The following THSD7B variants were observed in gnomAD, a reference collection of about 807,000 sequenced individuals.
THSD7B encodes thrombospondin type-1 domain-containing protein 7B.
A neutral mutation model predicts 213.6 loss-of-function variants in THSD7B; 138 were observed. That is an observed-to-expected ratio of 0.65 (90% CI 0.56 to 0.74). The LOEUF is 0.74. THSD7B is among the 30% of genes least tolerant of loss of function. The pLI is 0.00. For synonymous variants in THSD7B, 742 were observed against 687.0 expected (o/e 1.08, Z -1.25); for missense variants, 1,931 against 1,991.5 (o/e 0.97, Z 0.58).
chr2:137,569,029 G>A (rs13383804), intron 16 of THSD7B, among the ~76,000 whole-genome samples: 90,694 of 152,060 alleles, frequency 0.6, 29,351 homozygotes, highest in African/African-American at 0.87. Context: ...AGATTGTCCA[G>A]TGGGAAAAAT....
At chr2:137,652,711 C>T (rs1683163261) in intron 21 of THSD7B, among the ~76,000 whole-genome samples, 1 of 151,878 alleles carries the variant, frequency 6.6e-6, no homozygotes, top group Non-Finnish European at 1.5e-5. Context: ...TCTGGTAAAC[C>T]TATCATAAGT....
chr2:137,358,092 C>T (rs1474771992), intron 12 of THSD7B, among the ~76,000 whole-genome samples: 1 of 152,180 alleles, frequency 6.6e-6, no homozygotes, highest in African/African-American at 2.4e-5. Context: ...GCTTTGCCCT[C>T]AGGCACCAAA....
intron 4 of THSD7B, among the ~76,000 whole-genome samples, chr2:137,107,310 TCTCA>T (rs889732939): frequency 6.6e-6 from 1 of 152,180 alleles, no homozygotes; most frequent in Non-Finnish European, 1.5e-5. Flanking sequence ...CACTGCATGT[TCTCA>T]CTCAAAGTGG....
chr2:137,102,727 A>T (rs1688174911), intron 4 of THSD7B, among the ~76,000 whole-genome samples: 1 of 152,230 alleles, frequency 6.6e-6, no homozygotes, highest in Non-Finnish European at 1.5e-5. Context: ...CAGCATGAGA[A>T]CTTCATGAAG....
chr2:137,425,099 G>A (rs62165745), intron 14 of THSD7B, among the ~76,000 whole-genome samples: 269 of 147,282 alleles, frequency 1.8e-3, no homozygotes, highest in African/African-American at 3.8e-3. Context: ...TAATAATAAT[G>A]ATAATAATAA....
intron 2 of THSD7B, among the ~76,000 whole-genome samples, chr2:136,944,497 T>C (rs1043697810): frequency 1.3e-5 from 2 of 152,130 alleles, no homozygotes; most frequent in African/African-American, 4.8e-5. Context: ...AAGTCTCCCA[T>C]TATTACTGTG....
chr2:136,950,258 A>G (rs1172909535), intron 2 of THSD7B, among the ~76,000 whole-genome samples: 2 of 151,834 alleles, frequency 1.3e-5, no homozygotes, highest in African/African-American at 4.9e-5. Context: ...TCTCAGAAGA[A>G]AAAAATAAAA....
intron 13 of THSD7B, among the ~76,000 whole-genome samples, chr2:137,407,440 T>A (rs925978958): frequency 5.3e-5 from 8 of 152,036 alleles, no homozygotes; most frequent in African/African-American, 1.4e-4. Context: ...TGAGTTTTTT[T>A]AAAAAAAATA....
At chr2:137,516,691 T>C (rs1680075399) in intron 15 of THSD7B, among the ~76,000 whole-genome samples, 1 of 145,634 alleles carries the variant, frequency 6.9e-6, no homozygotes, top group Non-Finnish European at 1.5e-5. Context: ...ATTTTCCCAG[T>C]GCCAGAATGC....
chr2:137,341,545 TTTG>T (rs1450850589), intron 12 of THSD7B, among the ~76,000 whole-genome samples: 7 of 151,610 alleles, frequency 4.6e-5, no homozygotes, highest in Admixed American at 4.6e-4. Flanking sequence ...ATGTAGTTTT[TTTG>T]TTGTTATTTT....
chr2:136,864,621 C>T (rs1683304416), intron 1 of THSD7B, among the ~76,000 whole-genome samples: 1 of 151,924 alleles, frequency 6.6e-6, no homozygotes. Flanking sequence ...GGTGCGATCT[C>T]AGCTCACTGC....
Position 137,588,135 on chromosome 2 carries a change from G to T in THSD7B, c.3423+15579G>T, listed in dbSNP as rs759570518. On this transcript the variant is annotated intron_variant, in intron 17 of 27. Transcript: ENST00000409968. ...CAAGGGCGTGGGACCCTCCGAGCCAGGCACGGGATATAATCTCCTGGTCTG... is the reference window on the plus strand; with the variant it reads ...CAAGGGCGTGGGACCCTCCGAGCCATGCACGGGATATAATCTCCTGGTCTG... Among the ~76,000 whole-genome samples, 6 of 152,344 alleles carry T rather than the reference G, an allele frequency of 3.9e-5. No individual in the cohort carries two copies. In the East Asian group the frequency reaches 5.8e-4, roughly 15 times the overall value.
At chr2:137,144,070 C>G (rs1447544378) in intron 5 of THSD7B, among the ~76,000 whole-genome samples, 2 of 152,008 alleles carry the variant, frequency 1.3e-5, no homozygotes, top group Non-Finnish European at 2.9e-5. Flanking sequence ...GGTAGGGCAA[C>G]AGACAGCATA....
chr2:136,889,387 A>G (rs1683776448), intron 2 of THSD7B, among the ~76,000 whole-genome samples: 1 of 152,172 alleles, frequency 6.6e-6, no homozygotes. Context: ...GATAGATATT[A>G]GATAGTTCCT....
intron 15 of THSD7B, among the ~76,000 whole-genome samples, chr2:137,488,702 A>G (rs1240817363): frequency 2.0e-5 from 3 of 152,232 alleles, no homozygotes; most frequent in Non-Finnish European, 4.4e-5. Context: ...GGCATCTTCT[A>G]TCAATTTTTG....
intron 15 of THSD7B, among the ~76,000 whole-genome samples, chr2:137,560,042 A>T (rs1449538157): frequency 6.9e-6 from 1 of 143,928 alleles, no homozygotes; most frequent in East Asian, 2.0e-4. Flanking sequence ...AATGGCGATC[A>T]TTAAAAAGTC....
At chr2:137,071,401 GTTGT>G (rs1425173999) in intron 3 of THSD7B, among the ~76,000 whole-genome samples, 1 of 152,212 alleles carries the variant, frequency 6.6e-6, no homozygotes, top group East Asian at 1.9e-4. Context: ...TTTTGATGGG[GTTGT>G]TTGTTTTTTT....
chr2:137,343,861 A>G (rs1361648086), intron 12 of THSD7B, among the ~76,000 whole-genome samples: 2 of 151,816 alleles, frequency 1.3e-5, no homozygotes, highest in African/African-American at 4.8e-5. Flanking sequence ...TTCTTTTACA[A>G]TGCACTGAAG....
At chr2:137,519,308 T>G (rs1680134948) in intron 15 of THSD7B, among the ~76,000 whole-genome samples, 1 of 150,158 alleles carries the variant, frequency 6.7e-6, no homozygotes, top group Non-Finnish European at 1.5e-5. Context: ...TATTCAGATA[T>G]GAGCAAGATG....
Sources: gnomAD v4.1 joint callset for allele counts (sites outside exome capture counted in the v4.1 genomes callset) on GRCh38, gnomAD v4.1.1 for gene constraint, MANE v1.5 for transcripts, NCBI Gene and HGNC (gene_info 2026-07-23, HGNC 2026-07-21) for gene names.